GALNT17: variants seen among roughly 807,000 people sequenced by gnomAD.
GALNT17 encodes UDP-GalNAc:polypeptide N-acetylgalactosaminyltransferase-like 3.
Under a neutral mutation model 63.7 loss-of-function variants are expected in GALNT17, and 29 were observed. The ratio of observed to expected loss-of-function variants is 0.46; its 90% confidence interval spans 0.34 to 0.62. The LOEUF is 0.62. Among genes scored for constraint, GALNT17 ranks in the 20% least tolerant of loss-of-function variants. The pLI, the probability that GALNT17 is intolerant of heterozygous loss-of-function variation, is 0.01. For synonymous variants in GALNT17, 305 were observed against 318.3 expected (o/e 0.96, Z 0.45); for missense variants, 603 against 799.6 (o/e 0.75, Z 2.97).
In GALNT17 at chr7:71,192,392, T is replaced by C. The variant is rs544733788; in HGVS notation, c.238+59352T>C. ...TAACCATCACAGGGCAAGTGTATAT[T>C]TAATTCTTTTTTTTTTTTTTGGAGG... On this transcript the variant is annotated intron_variant, in intron 1 of 10. Coordinates refer to ENST00000333538, the MANE Select transcript of GALNT17 (RefSeq NM_022479.3). 1.4e-4 allele frequency among the ~76,000 whole-genome samples: 20 copies of C among 148,086 alleles called. No individual in the cohort carries two copies. The South Asian group carries it at 4.3e-3, about 32-fold the overall frequency.
In GALNT17 at chr7:71,628,437, C is replaced by A. The variant is rs143529842; in HGVS notation, c.1081-36974C>A. Among the ~76,000 whole-genome samples the A allele has an allele frequency of 6.6e-3, 1,011 of 152,124 alleles. 10 individuals carry two copies. Among genetic ancestry groups the A allele is most frequent in the African/African-American group, 0.022 (911 of 41,530 alleles). On this transcript the variant is annotated intron_variant, in intron 6 of 10. Transcript: ENST00000333538. ...TCCTGGGCTCAAGCAATTATCCTGCCCCAGCCTCCCGAGTAACTGGGATTA... is the reference window on the plus strand; with the variant it reads ...TCCTGGGCTCAAGCAATTATCCTGCACCAGCCTCCCGAGTAACTGGGATTA...
chr7:71,439,866 G>A (rs1787033664), intron 5 of GALNT17, among the ~76,000 whole-genome samples: 1 of 151,768 alleles, frequency 6.6e-6, no homozygotes, highest in African/African-American at 2.4e-5. Context: ...GTGGAAAGGG[G>A]TAGGCTCCAG....
intron 5 of GALNT17, among the ~76,000 whole-genome samples, chr7:71,458,211 T>C (rs1745519111): frequency 6.6e-6 from 1 of 152,182 alleles, no homozygotes; most frequent in Non-Finnish European, 1.5e-5. Flanking sequence ...ATCTAATTGG[T>C]CTTTGTTTGC....
chr7:71,587,261 C>T (rs544782497), intron 6 of GALNT17, among the ~76,000 whole-genome samples: 1 of 152,254 alleles, frequency 6.6e-6, no homozygotes, highest in South Asian at 2.1e-4. Context: ...CTTTTGGCCT[C>T]AAGTGATCCG....
At chr7:71,710,305 C>T (rs1584153580) in intron 9 of GALNT17, among the ~76,000 whole-genome samples, 1 of 152,066 alleles carries the variant, frequency 6.6e-6, no homozygotes, top group Non-Finnish European at 1.5e-5. Flanking sequence ...GTCAGGAGTT[C>T]GAGACCAGCC....
At chr7:71,688,583 G>A (rs1791397065) in intron 9 of GALNT17, among the ~76,000 whole-genome samples, 1 of 152,134 alleles carries the variant, frequency 6.6e-6, no homozygotes, top group Admixed American at 6.5e-5. Flanking sequence ...CAGAGCACAG[G>A]AAGGCTTGAG....
intron 1 of GALNT17, among the ~76,000 whole-genome samples, chr7:71,206,599 G>T (rs753089151): frequency 4.6e-5 from 7 of 152,130 alleles, no homozygotes; most frequent in Non-Finnish European, 1.0e-4. Context: ...TTGATTTGCA[G>T]GCTTTTCCCA....
rs1372758149 is a variant in GALNT17, at chr7:71,132,753, C to T, written c.-50C>T. The T allele has an allele frequency of 6.7e-7, 1 of 1,495,148 alleles. No homozygotes were observed. 92.6% of individuals were successfully genotyped at this position (1,495,148 alleles called of 1,614,324 possible). ...GGCCCCTGGCTGCCCCGCGCCTCGC[C>T]GGAGCCCGAGGGGGCGCAGGTCCGG... On this transcript the variant is annotated 5_prime_UTR_variant, in exon 1 of 11. Coordinates refer to ENST00000333538, the MANE Select transcript of GALNT17 (RefSeq NM_022479.3).
chr7:71,665,574 T>C lies in GALNT17; in HGVS notation c.1244T>C (p.Ile415Thr). 6.2e-7 allele frequency: 1 copy of C among 1,613,742 alleles called. No individual in the cohort carries two copies. The highest frequency in any genetic ancestry group is 8.5e-7 in the Non-Finnish European group (1 of 1,179,888). ...GACGATTACAAGTCTCATGTGTACATAGCGTGGAACCTGCCGCTGGAGGTA... is the reference window on the plus strand; with the variant it reads ...GACGATTACAAGTCTCATGTGTACACAGCGTGGAACCTGCCGCTGGAGGTA... ...WMDDYKSHVY[I>T]AWNLPLENPG... Residue 415 changes from isoleucine (I) to threonine (T), a missense_variant, in exon 7 of 11, where the codon ATA becomes ACA. Coordinates refer to ENST00000333538, the MANE Select transcript of GALNT17 (RefSeq NM_022479.3).
chr7:71,644,637 G>A (rs531864529), intron 6 of GALNT17, among the ~76,000 whole-genome samples: 1 of 151,724 alleles, frequency 6.6e-6, no homozygotes, highest in South Asian at 2.1e-4. Context: ...TGTAGCCCTA[G>A]CTACTTGGGA....
intron 1 of GALNT17, among the ~76,000 whole-genome samples, chr7:71,215,181 A>AGTTGTTCCATTTTG (rs1043113686): frequency 3.9e-5 from 6 of 152,144 alleles, no homozygotes; most frequent in African/African-American, 1.4e-4. Flanking sequence ...TGAATCTTGT[A>AGTTGTTCCATTTTG]GTTGTTCCAT....
intron 4 of GALNT17, among the ~76,000 whole-genome samples, chr7:71,420,254 T>A (rs2116450161): frequency 6.6e-6 from 1 of 152,310 alleles, no homozygotes; most frequent in East Asian, 1.9e-4. Flanking sequence ...AGCCTCGAGC[T>A]GGGGAAGTGA....
chr7:71,417,152 G>A (rs1443405770), intron 4 of GALNT17, among the ~76,000 whole-genome samples: 2 of 152,144 alleles, frequency 1.3e-5, no homozygotes, highest in Non-Finnish European at 2.9e-5. Flanking sequence ...ACTCATTGAG[G>A]CCTTCTTGAG....
intron 5 of GALNT17, among the ~76,000 whole-genome samples, chr7:71,484,675 T>C (rs550643134): frequency 6.6e-6 from 1 of 152,252 alleles, no homozygotes; most frequent in East Asian, 1.9e-4. Flanking sequence ...CCCACTGTCC[T>C]ACATGCAATC....
chr7:71,433,478 C>G (rs1786905040), intron 5 of GALNT17, among the ~76,000 whole-genome samples: 1 of 152,182 alleles, frequency 6.6e-6, no homozygotes, highest in South Asian at 2.1e-4. Context: ...TACTAAAAAC[C>G]ATTGGCTTGT....
intron 3 of GALNT17, among the ~76,000 whole-genome samples, chr7:71,407,041 C>A (rs756823800): frequency 2.1e-4 from 32 of 152,176 alleles, no homozygotes; most frequent in Non-Finnish European, 4.3e-4. Context: ...TCACTGTGAT[C>A]TCTGTCATAA....
chr7:71,284,799 T>C (rs1297553608), intron 1 of GALNT17, among the ~76,000 whole-genome samples: 2 of 152,200 alleles, frequency 1.3e-5, no homozygotes, highest in Non-Finnish European at 2.9e-5. Context: ...ATGTAACTGC[T>C]GTTGTTTAAA....
At chr7:71,497,503 G>A (rs989099542) in intron 5 of GALNT17, among the ~76,000 whole-genome samples, 2 of 152,188 alleles carry the variant, frequency 1.3e-5, no homozygotes, top group Admixed American at 1.3e-4. Context: ...ACCGAATTAC[G>A]GCCCACTCTA....
intron 6 of GALNT17, among the ~76,000 whole-genome samples, chr7:71,627,505 C>G (rs950654919): frequency 6.6e-6 from 1 of 152,158 alleles, no homozygotes; most frequent in Non-Finnish European, 1.5e-5. Flanking sequence ...ACCCCAATGG[C>G]GGGCAGTGGG....
Sources: gnomAD v4.1 joint callset for allele counts (sites outside exome capture counted in the v4.1 genomes callset) on GRCh38, gnomAD v4.1.1 for gene constraint, MANE v1.5 for transcripts, NCBI Gene and HGNC (gene_info 2026-07-23, HGNC 2026-07-21) for gene names.